The following ZNF585B variants were observed in gnomAD, a reference collection of about 807,000 sequenced individuals.
ZNF585B encodes the protein zinc finger protein 585B.
Under a neutral mutation model 14.0 loss-of-function variants are expected in ZNF585B, and 7 were observed. The observed-to-expected ratio is 0.50, with a 90% CI of 0.28 to 0.94. The LOEUF (loss-of-function observed/expected upper bound fraction) is 0.94, where lower values mean the gene tolerates loss of function less well. Among genes scored for constraint, ZNF585B ranks in the 40% least tolerant of loss-of-function variants. The pLI, the probability that ZNF585B is intolerant of heterozygous loss-of-function variation, is 0.09. For synonymous variants in ZNF585B, 290 were observed against 317.3 expected (o/e 0.91, Z 0.91); for missense variants, 750 against 924.4 (o/e 0.81, Z 2.45).
rs757189916 is a variant in ZNF585B at position 37,186,678 on chromosome 19, C to T, written c.859G>A (p.Ala287Thr). ...TCTCCACTATGAATTCTTCGGTGTG[C>T]AATCAATTGTGTTTTCTGGATGAAG... ...QAFIQKTQLI[A>T]HRRIHSGEKP... The change falls in exon 5 of 5, where the codon GCA (alanine) becomes ACA (threonine). Residue 287 changes from alanine (A) to threonine (T), a missense_variant. Physicochemically the swap from Ala to Thr is moderately conservative, Grantham distance 58. Transcript: ENST00000532828. The T allele has an allele frequency of 6.8e-6, 11 of 1,614,012 alleles. No homozygotes were observed. Among genetic ancestry groups the T allele is most frequent in the African/African-American group, 2.7e-5 (2 of 74,902 alleles).
At chr19:37,195,532 G>T (rs1199887436) in intron 2 of ZNF585B, among the ~76,000 whole-genome samples, 1 of 151,468 alleles carries the variant, frequency 6.6e-6, no homozygotes, top group South Asian at 2.1e-4. Context: ...GAATAAAACA[G>T]GAAATATCAT....
rs1339081075 is a variant in ZNF585B at position 37,189,678 on chromosome 19, G to A, written c.275C>T (p.Pro92Leu). The change falls in exon 4 of 5, where the codon CCA becomes CTA. Residue 92 changes from proline to leucine, a missense_variant. Transcript: ENST00000532828. ...KEPWALQGER[P>L]RHSCPGEKLW... is the part of the protein sequence containing the mutation. The stretch of plus-strand genomic sequence containing the variant: ...TCACTCACCTGGGCAGCTGTGACGT[G>A]GCCTCTCACCCTGCAGTGCCCATGG... 1.2e-6 allele frequency: 2 copies of A among 1,613,166 alleles called. No homozygotes were observed. The highest frequency in any genetic ancestry group is 1.7e-6 in the Non-Finnish European group (2 of 1,179,990).
At chr19:37,210,101 A>G (rs1218051298) in intron 1 of ZNF585B, among the ~76,000 whole-genome samples, 1 of 152,108 alleles carries the variant, frequency 6.6e-6, no homozygotes, top group Non-Finnish European at 1.5e-5. Context: ...AACAATACGA[A>G]ACTGCTACAC....
chr19:37,193,840 T>C (rs543950830), intron 2 of ZNF585B, among the ~76,000 whole-genome samples: 1 of 152,270 alleles, frequency 6.6e-6, no homozygotes, highest in South Asian at 2.1e-4. Flanking sequence ...CAAATGCACC[T>C]TGTGGACTTT....
At position 37,184,356 on chromosome 19, in the gene ZNF585B, A is replaced by AAAGAAAGAAAGAAAG. The variant is rs1972294032; in HGVS notation, c.*870_*871insCTTTCTTTCTTTCTT. 1 of 84,284 alleles carries AAAGAAAGAAAGAAAG rather than the reference A, an allele frequency of 1.2e-5. No individual in the cohort carries two copies. The highest frequency in any genetic ancestry group is 4.9e-4 in the South Asian group (1 of 2,036). The allele number at this position is 84,284 out of a possible 1,614,324, so 5.2% of individuals were successfully genotyped here. A position where few individuals can be genotyped will look rare whatever the true frequency, so the allele number is the denominator to read the frequency against. ...CGACAGAGCAAGACTCTGTCTCAAA[A>AAAGAAAGAAAGAAAG]AAAGAAAGAAAGAAAGAAAGAAAGA... is the stretch of plus-strand genomic sequence containing the variant. On this transcript the variant is annotated 3_prime_UTR_variant, in exon 5 of 5. Coordinates refer to ENST00000532828, the MANE Select transcript of ZNF585B (RefSeq NM_152279.4).
At chr19:37,208,213 C>T (rs1037146467) in intron 1 of ZNF585B, among the ~76,000 whole-genome samples, 3 of 152,102 alleles carry the variant, frequency 2.0e-5, no homozygotes, top group South Asian at 2.1e-4. Context: ...CCTTGTGATC[C>T]GCCTGCCTCG....
At chr19:37,198,887 C>CTTA in intron 2 of ZNF585B, 2 of 1,094,592 alleles carry the variant, frequency 1.8e-6, no homozygotes, top group Non-Finnish European at 2.6e-6. Flanking sequence ...AAGAAAAGTA[C>CTTA]TAAAGATATT....
At position 37,182,831 on chromosome 19, in the gene ZNF585B, G is replaced by A. The variant is rs4805207; in HGVS notation, c.*2396C>T. 0.17 allele frequency: 25,501 copies of A among 152,240 alleles called. 2,423 individuals are homozygous for A. The highest frequency in any genetic ancestry group is 0.26 in the African/African-American group (10,805 of 41,436). The allele number at this position is 152,240 out of a possible 1,614,324, so 9.4% of individuals were successfully genotyped here. On this transcript the variant is annotated 3_prime_UTR_variant, in exon 5 of 5. Coordinates refer to ENST00000532828, the MANE Select transcript of ZNF585B (RefSeq NM_152279.4). ...AACTGCCAATAGACTGGCCCCAGAC[G>A]CCACCCAGCAACTGTGCATCTAATC...
At chr19:37,193,705 G>A (rs894062094) in intron 2 of ZNF585B, among the ~76,000 whole-genome samples, 6 of 152,068 alleles carry the variant, frequency 3.9e-5, no homozygotes, top group African/African-American at 1.2e-4. Flanking sequence ...GACTGAGCCC[G>A]GGAGGTCGAA....
chr19:37,190,266 G>T (rs1972385500), intron 2 of ZNF585B, 116 bp from the exon 3 acceptor site: 1 of 1,422,512 alleles, frequency 7.0e-7, no homozygotes, highest in South Asian at 1.4e-5. Context: ...TTTTTTTTTT[G>T]AGACAGTCTT....
intron 2 of ZNF585B, among the ~76,000 whole-genome samples, chr19:37,197,347 A>G (rs574116170): frequency 6.6e-6 from 1 of 152,142 alleles, no homozygotes; most frequent in Non-Finnish European, 1.5e-5. Flanking sequence ...TCCATGGTGT[A>G]TATGTGCCAC....
chr19:37,193,470 CAAA>C (rs1188808062), intron 2 of ZNF585B, among the ~76,000 whole-genome samples: 16 of 78,302 alleles, frequency 2.0e-4, no homozygotes, highest in Admixed American at 1.5e-4. Context: ...GCCTCTGTCT[CAAA>C]AAAAAAAAAA....
chr19:37,188,690 A>AACAC (rs1568507216), intron 4 of ZNF585B, among the ~76,000 whole-genome samples: 1 of 151,604 alleles, frequency 6.6e-6, no homozygotes, highest in African/African-American at 2.4e-5. Flanking sequence ...CAAACAAACA[A>AACAC]AGCCAACCAG....
At chr19:37,187,391 G>GGGGGATGTACACT in intron 4 of ZNF585B, 147 bp from the exon 5 acceptor site, 1 of 603,760 alleles carries the variant, frequency 1.7e-6, no homozygotes, top group Non-Finnish European at 2.7e-6. Flanking sequence ...ACACTGATAG[G>GGGGGATGTACACT]GTTTTTAGGG....
At chr19:37,192,681 G>A (rs1324267138) in intron 2 of ZNF585B, among the ~76,000 whole-genome samples, 6 of 150,704 alleles carry the variant, frequency 4.0e-5, no homozygotes, top group Non-Finnish European at 1.5e-5. Context: ...GTGTGGTAGT[G>A]TGTGTCTGTA....
At position 37,196,775 on chromosome 19, in the gene ZNF585B, A is replaced by G. The variant is rs547960491; in HGVS notation, c.73-6625T>C. On this transcript the variant is annotated intron_variant, in intron 2 of 4. Coordinates refer to ENST00000532828, the MANE Select transcript of ZNF585B (RefSeq NM_152279.4). ...TTCTTTTCTCTAGCTGAATTTTATT[A>G]TAAAAATACAGAATATAATACATAT... 3.3e-5 allele frequency among the ~76,000 whole-genome samples: 5 copies of G among 152,344 alleles called. No individual in the cohort carries two copies. The South Asian group carries it at 8.3e-4, about 25-fold the overall frequency.
chr19:37,182,574 T>C lies in ZNF585B; in HGVS notation c.*2653A>G, dbSNP rs757441884. The C allele has an allele frequency of 1.3e-5, 2 of 152,352 alleles. No homozygotes were observed. Among genetic ancestry groups the C allele is most frequent in the South Asian group, 4.1e-4 (2 of 4,826 alleles). 9.4% of individuals were successfully genotyped at this position (152,352 alleles called of 1,614,324 possible). On this transcript the variant is annotated 3_prime_UTR_variant, in exon 5 of 5. Transcript: ENST00000532828. ...CAGCATGTGATGGGCCATCAGATAC[T>C]GTGAAGAAGTGAGGAAGCAGAGCTA...
intron 4 of ZNF585B, among the ~76,000 whole-genome samples, chr19:37,187,987 A>G (rs1471544083): frequency 6.6e-6 from 1 of 152,216 alleles, no homozygotes; most frequent in African/African-American, 2.4e-5. Context: ...TACAACATGC[A>G]CGAATTAAAA....
chr19:37,193,165 CAT>C (rs1024327764), intron 2 of ZNF585B, among the ~76,000 whole-genome samples: 13 of 151,318 alleles, frequency 8.6e-5, no homozygotes, highest in African/African-American at 3.2e-4. Flanking sequence ...AAAAACACCA[CAT>C]GAGTTTAAAG....
Sources: allele counts gnomAD v4.1 joint callset (sites outside exome capture counted in the v4.1 genomes callset), GRCh38; gene constraint gnomAD v4.1.1; transcripts MANE v1.5; gene names NCBI Gene and HGNC (gene_info 2026-07-23, HGNC 2026-07-21).